The following MAU2 variants were observed in gnomAD, a reference collection of about 807,000 sequenced individuals.
MAU2 encodes the protein MAU2 chromatid cohesion factor homolog.
MAU2 carries 9 observed loss-of-function variants against 89.1 expected under a neutral mutation model. The ratio of observed to expected loss-of-function variants is 0.10; its 90% CI spans 0.06 to 0.18. The LOEUF (loss-of-function observed/expected upper bound fraction) is 0.18. Ranked by LOEUF, MAU2 falls within the 10% of genes least tolerant of loss-of-function variation. The pLI is 1.00. For synonymous variants in MAU2, 357 were observed against 343.4 expected (o/e 1.04, Z -0.44); for missense variants, 425 against 803.5 (o/e 0.53, Z 5.69).
At position 19,341,254 on chromosome 19, in the gene MAU2, G is replaced by A; in HGVS notation, c.582G>A (p.Leu194=). ...CACCTGCGCCTCTCCCTCCCCAGCT[G>A]CTGCTGATGGAGCGAAAGCTGCAGG... ...RALFLLSKGM[L]LLMERKLQEV... is the part of the protein sequence containing the mutation. The change falls in exon 7 of 19, where the codon CTG becomes CTA. Residue 194 remains leucine, a splice_region_variant and synonymous_variant. Transcript: ENST00000262815. 1 of 1,610,930 alleles carries A rather than the reference G, an allele frequency of 6.2e-7. No individual in the cohort carries two copies.
chr19:19,347,814 G>A lies in MAU2; in HGVS notation c.1308+448G>A, dbSNP rs13344286. 1,444 of 156,614 alleles carry A rather than the reference G, an allele frequency of 9.2e-3. 18 individuals are homozygous for A. Among genetic ancestry groups the A allele is most frequent in the African/African-American group, 0.033 (1,373 of 41,652 alleles). 9.7% of individuals were successfully genotyped at this position (156,614 alleles called of 1,614,324 possible). A position where few individuals can be genotyped will look rare whatever the true frequency, so the allele number is the denominator to read the frequency against. ...ATGCCCAGGGTTGCCCTCACGTGGC[G>A]CTTCTGAACCAATGCTTGCATAAGA... On this transcript the variant is annotated intron_variant, in intron 13 of 18. Coordinates refer to ENST00000262815, the MANE Select transcript of MAU2 (RefSeq NM_015329.4).
At chr19:19,344,150 G>A (rs1288842812) in intron 10 of MAU2, 15 of 548,252 alleles carry the variant, frequency 2.7e-5, no homozygotes, top group South Asian at 4.0e-5. Context: ...AGTGGCTCAC[G>A]CCTGTCATCC....
Position 19,345,847 on chromosome 19 carries a change from C to T in MAU2, c.1221+478C>T, listed in dbSNP as rs1286178548. Among the ~76,000 whole-genome samples, 1 of 152,182 alleles carries T rather than the reference C, an allele frequency of 6.6e-6. No homozygotes were observed. Among genetic ancestry groups the T allele is most frequent in the Non-Finnish European group, 1.5e-5 (1 of 68,012 alleles). On this transcript the variant is annotated intron_variant, in intron 12 of 18. Coordinates refer to ENST00000262815, the MANE Select transcript of MAU2 (RefSeq NM_015329.4). This position sits in a 1 kb window ranked among gnomAD's most constrained non-coding sequence, Gnocchi z 4.9. ...AGCACCCCAGGCTCCTGGCCTTAGA[C>T]GGGGGCCCCGCCAGGCCCTGGAAGA... is the stretch of plus-strand genomic sequence containing the variant.
In MAU2 at chr19:19,321,998, CTT is replaced by C. The variant is rs1165328240; in HGVS notation, c.276+879_276+880del. On this transcript the variant is annotated intron_variant, in intron 1 of 18. Transcript: ENST00000262815. ...GTCATTCTGCCCTTTAGTAAACTTT[CTT>C]TTTTTTTTTTTTTTTGAGACGGAGT... The C allele has an allele frequency of 3.0e-4, 42 of 141,482 alleles. 1 individual carries two copies. The highest frequency in any genetic ancestry group is 9.0e-4 in the South Asian group (4 of 4,426). The allele number at this position is 141,482 out of a possible 1,614,324, so 8.8% of individuals were successfully genotyped here.
chr19:19,350,189 G>A (rs1400757590), intron 16 of MAU2, among the ~76,000 whole-genome samples: 2 of 151,502 alleles, frequency 1.3e-5, no homozygotes, highest in Non-Finnish European at 2.9e-5. Flanking sequence ...CAAGCTACTC[G>A]GGAGGCTGAG....
rs1555792839 is a variant in MAU2 at position 19,326,706 on chromosome 19, A to ATATATATATACACGTATATATATATGTG, written c.276+5581_276+5582insCACGTATATATATATGTGTATATATATA. Among the ~76,000 whole-genome samples, 784 of 86,664 alleles carry ATATATATATACACGTATATATATATGTG rather than the reference A, an allele frequency of 9.0e-3. 33 individuals are homozygous for ATATATATATACACGTATATATATATGTG. The highest frequency in any genetic ancestry group is 0.015 in the Non-Finnish European group (588 of 38,760). 56.9% of individuals were successfully genotyped at this position (86,664 alleles called of 152,430 possible). ...CTCAAAAAAAAATATATATATGTAT[A>ATATATATATACACGTATATATATATGTG]TATATATATATATACATATATATAT... On this transcript the variant is annotated intron_variant, in intron 1 of 18. Coordinates refer to ENST00000262815, the MANE Select transcript of MAU2 (RefSeq NM_015329.4).
rs912977095 is a variant in MAU2 at position 19,320,853 on chromosome 19, G to A, written c.-7G>A. ...TGTGGCGGCGGCTTGTTGTTGTGGAGGCCAAAATGGCGGCTCAGGCGGCGG... is the reference window on the plus strand; with the variant it reads ...TGTGGCGGCGGCTTGTTGTTGTGGAAGCCAAAATGGCGGCTCAGGCGGCGG... On this transcript the variant is annotated 5_prime_UTR_variant, in exon 1 of 19. Transcript: ENST00000262815. 12 of 1,521,956 alleles carry A rather than the reference G, an allele frequency of 7.9e-6. No individual in the cohort carries two copies. In the African/African-American group the frequency reaches 1.3e-4, roughly 16 times the overall value. 94.3% of individuals were successfully genotyped at this position (1,521,956 alleles called of 1,614,324 possible). A position where few individuals can be genotyped will look rare whatever the true frequency, so the allele number is the denominator to read the frequency against.
chr19:19,356,052 C>G lies in MAU2; in HGVS notation c.*270C>G. ...CTTCAGAGTGGACCTCAGTGCCAGT[C>G]CTGCCTCAGCATCTGGGTCACGTCG... On this transcript the variant is annotated 3_prime_UTR_variant, in exon 19 of 19. Transcript: ENST00000262815. 1 of 619,324 alleles carries G rather than the reference C, an allele frequency of 1.6e-6. No homozygotes were observed. 38.4% of individuals were successfully genotyped at this position (619,324 alleles called of 1,614,324 possible).
intron 1 of MAU2, among the ~76,000 whole-genome samples, chr19:19,331,862 T>G (rs1209463679): frequency 1.3e-5 from 2 of 152,218 alleles, no homozygotes; most frequent in Admixed American, 1.3e-4. Flanking sequence ...CATACTGCCC[T>G]TCAGGAATGT....
At chr19:19,329,593 G>A (rs1453179923) in intron 1 of MAU2, among the ~76,000 whole-genome samples, 2 of 152,118 alleles carry the variant, frequency 1.3e-5, no homozygotes, top group African/African-American at 4.8e-5. Context: ...CTTAGCCACA[G>A]TCACACAGCA....
intron 17 of MAU2, among the ~76,000 whole-genome samples, chr19:19,354,979 A>G (rs145220830): frequency 1.6e-4 from 25 of 152,232 alleles, no homozygotes; most frequent in Admixed American, 3.9e-4. Context: ...TCCTGCCCCA[A>G]TGAGCGCCTG....
chr19:19,344,982 G>A, intron 11 of MAU2, 56 bp downstream of exon 11: 1 of 1,501,968 alleles, frequency 6.7e-7, no homozygotes, highest in Non-Finnish European at 9.2e-7. Flanking sequence ...CAGTAAGTAA[G>A]TACCTAACCA....
Position 19,321,142 on chromosome 19 carries a change from G to T in MAU2, c.276+7G>T, listed in dbSNP as rs1216864819. On this transcript the variant is annotated splice_region_variant and intron_variant, in intron 1 of 18. Transcript: ENST00000262815. ...CAGCCACCTGGAGAAGGCGGTGAGC[G>T]CGGGCCGGGCCGCGAGGGAGGAGTC... 2 of 1,583,296 alleles carry T rather than the reference G, an allele frequency of 1.3e-6. No homozygotes were observed. Among genetic ancestry groups the T allele is most frequent in the African/African-American group, 2.8e-5 (2 of 72,026 alleles).
intron 13 of MAU2, chr19:19,348,358 T>C (rs763005443): frequency 5.0e-6 from 1 of 201,528 alleles, no homozygotes; most frequent in Non-Finnish European, 1.0e-5. Flanking sequence ...AGCAAGAACC[T>C]GTCTCAAAGG....
chr19:19,325,776 A>AGAT (rs754668950), intron 1 of MAU2, among the ~76,000 whole-genome samples: 15 of 152,072 alleles, frequency 9.9e-5, no homozygotes, highest in Non-Finnish European at 2.1e-4. Flanking sequence ...CACACCCGGC[A>AGAT]TCTCTCTGCT....
intron 13 of MAU2, chr19:19,348,603 G>T (rs559987373): frequency 1.7e-4 from 98 of 564,936 alleles, no homozygotes; most frequent in African/African-American, 7.9e-4. Flanking sequence ...CCACTGCCAG[G>T]CCAGCCCCTC....
At chr19:19,352,138 T>A (rs1247058479) in intron 16 of MAU2, 1 of 151,946 alleles carries the variant, frequency 6.6e-6, no homozygotes, top group Non-Finnish European at 1.5e-5. Context: ...CGTGAGCCAC[T>A]GGGTAATTTT....
In MAU2 at chr19:19,338,847, A is replaced by G. The variant is rs2061617436; in HGVS notation, c.459A>G (p.Gln153=). ...WHCRLLFQLA[Q]LHTLEKDLVS... is the part of the protein sequence containing the mutation. Reference sequence around the variant, plus strand: ...TCACTGCTCTCTTTCCTTTTTAGCAACTGCACACGCTTGAGAAGGACCTGG... The same window carrying G: ...TCACTGCTCTCTTTCCTTTTTAGCAGCTGCACACGCTTGAGAAGGACCTGG... Residue 153 remains glutamine (Q), a splice_region_variant and synonymous_variant, in exon 5 of 19, where the codon CAA becomes CAG. Coordinates refer to ENST00000262815, the MANE Select transcript of MAU2 (RefSeq NM_015329.4). The G allele has an allele frequency of 1.2e-6, 2 of 1,611,634 alleles. No individual in the cohort carries two copies.
chr19:19,351,589 A>G (rs561098333), intron 16 of MAU2, among the ~76,000 whole-genome samples: 8 of 152,018 alleles, frequency 5.3e-5, no homozygotes, highest in Middle Eastern at 3.4e-3. Context: ...CTGAGGTGGG[A>G]GGATCACTTG....
Sources: gnomAD v4.1 joint callset for allele counts (sites outside exome capture counted in the v4.1 genomes callset) on GRCh38, gnomAD v4.1.1 for gene constraint, Gnocchi (gnomAD v3.1) non-coding constraint, MANE v1.5 for transcripts, NCBI Gene and HGNC (gene_info 2026-07-23, HGNC 2026-07-21) for gene names.